The following FBXL14 variants were observed in gnomAD, a reference collection of about 807,000 sequenced individuals.
The protein encoded by FBXL14 is F-box and leucine rich repeat protein 14.
Under a neutral mutation model 24.5 loss-of-function variants are expected in FBXL14, and 11 were observed. The ratio of observed to expected loss-of-function variants is 0.45; its 90% confidence interval spans 0.28 to 0.74. The LOEUF (loss-of-function observed/expected upper bound fraction) is 0.74, where lower values mean the gene tolerates loss of function less well. FBXL14 is among the 30% of genes least tolerant of loss of function. The pLI is 0.12. For synonymous variants in FBXL14, 294 were observed against 240.4 expected (o/e 1.22, Z -2.06); for missense variants, 384 against 545.6 (o/e 0.70, Z 2.95).
intron 1 of FBXL14, among the ~76,000 whole-genome samples, chr12:1,575,606 C>T (rs377729038): frequency 2.6e-5 from 4 of 152,182 alleles, no homozygotes; most frequent in African/African-American, 7.2e-5. Context: ...TGGGATCCTC[C>T]GAATCGGCCC....
chr12:1,593,969 G>C lies in FBXL14; in HGVS notation c.98C>G (p.Thr33Ser), dbSNP rs2094496223. The C allele has an allele frequency of 1.9e-6, 3 of 1,589,166 alleles. No individual in the cohort carries two copies. The highest frequency in any genetic ancestry group is 3.3e-4 in the Middle Eastern group (2 of 6,032). ...GTGGTAGGCGGCGTCCCGCCAGGCG[G>C]TGCACACCTGCGCCGCGCGCCCCTT... ...RDKGRAAQVC[T>S]AWRDAAYHKS... is the part of the protein sequence containing the mutation. Residue 33 changes from threonine to serine, a missense_variant, in exon 1 of 2, where the codon ACC (threonine) becomes AGC (serine). Transcript: ENST00000339235. The surrounding 1 kb of genome is among the most constrained non-coding windows in gnomAD (Gnocchi z 7.4).
chr12:1,593,196 T>A lies in FBXL14; in HGVS notation c.871A>T (p.Lys291Ter), dbSNP rs2094494423. ...TAAGCCAGACTCTGGTCTCCCACCT[T>A]GTCACAGAACGAAACATCCAGCCCC... Reference protein sequence around the residue: ...LSGLDVSFCDKVGDQSLAYIA... With the variant: ...LSGLDVSFCD Residue 291 changes from lysine (K) to a stop codon, truncating the protein, a stop_gained, in exon 1 of 2, where the codon AAG (lysine) becomes TAG (stop). Coordinates refer to ENST00000339235, the MANE Select transcript of FBXL14 (RefSeq NM_152441.3). LOFTEE classifies it high-confidence loss of function. The surrounding 1 kb of genome is among the most constrained non-coding windows in gnomAD (Gnocchi z 7.4). The A allele has an allele frequency of 6.2e-7, 1 of 1,613,242 alleles. No homozygotes were observed. The highest frequency in any genetic ancestry group is 1.3e-5 in the African/African-American group (1 of 74,932).
chr12:1,581,087 G>A (rs932093310), intron 1 of FBXL14, among the ~76,000 whole-genome samples: 1 of 152,270 alleles, frequency 6.6e-6, no homozygotes, highest in South Asian at 2.1e-4. Context: ...TGGCCACGTC[G>A]CCTGGAATCC....
chr12:1,584,135 A>G (rs1041279231), intron 1 of FBXL14, among the ~76,000 whole-genome samples: 1 of 152,176 alleles, frequency 6.6e-6, no homozygotes, highest in Non-Finnish European at 1.5e-5. Flanking sequence ...ACTTGAGCCC[A>G]GGAGTTGGAG....
intron 1 of FBXL14, among the ~76,000 whole-genome samples, chr12:1,586,707 T>G (rs546887297): frequency 6.6e-6 from 1 of 152,330 alleles, no homozygotes; most frequent in Admixed American, 6.5e-5. Flanking sequence ...ATGTACCACA[T>G]CTGCCAGATT....
At chr12:1,586,462 C>T (rs1473804857) in intron 1 of FBXL14, among the ~76,000 whole-genome samples, 2 of 152,124 alleles carry the variant, frequency 1.3e-5, no homozygotes, top group African/African-American at 2.4e-5. Flanking sequence ...CCACCTCAGC[C>T]GAGTGAGTAG....
chr12:1,592,975 G>A lies in FBXL14; in HGVS notation c.1092C>T (p.Tyr364=). Residue 364 remains tyrosine (Y), a synonymous_variant, in exon 1 of 2, where the codon TAC becomes TAT. Transcript: ENST00000339235. ...CGCGCTTGGTGATTCGGGTGCAGCCGTACAGGTCTATGCCGGTGAGTTGGC... is the reference window on the plus strand; with the variant it reads ...CGCGCTTGGTGATTCGGGTGCAGCCATACAGGTCTATGCCGGTGAGTTGGC... The part of the protein sequence containing the change: ...HLSQLTGIDL[Y]GCTRITKRGL... 2 of 1,613,184 alleles carry A rather than the reference G, an allele frequency of 1.2e-6. No individual in the cohort carries two copies. Among genetic ancestry groups the A allele is most frequent in the Non-Finnish European group, 8.5e-7 (1 of 1,179,946 alleles).
chr12:1,577,452 T>C (rs1425281220), intron 1 of FBXL14, among the ~76,000 whole-genome samples: 4 of 152,102 alleles, frequency 2.6e-5, no homozygotes, highest in East Asian at 3.8e-4. Context: ...ACTTATGTAT[T>C]ATTTTAAAGA....
intron 1 of FBXL14, among the ~76,000 whole-genome samples, chr12:1,583,218 T>G (rs2094470152): frequency 6.6e-6 from 1 of 152,144 alleles, no homozygotes; most frequent in Non-Finnish European, 1.5e-5. Flanking sequence ...CTTCTGATTT[T>G]TCTTTTGTAA....
At chr12:1,585,390 T>TC (rs2094474587) in intron 1 of FBXL14, among the ~76,000 whole-genome samples, 1 of 143,924 alleles carries the variant, frequency 6.9e-6, no homozygotes, top group Non-Finnish European at 1.5e-5. Context: ...AGAGCGAGAC[T>TC]CCGTCTCAAA....
At chr12:1,589,454 A>AGAC (rs1488291022) in intron 1 of FBXL14, among the ~76,000 whole-genome samples, 6 of 130,466 alleles carry the variant, frequency 4.6e-5, no homozygotes, top group Admixed American at 1.4e-4. Context: ...AAAAAAAAAA[A>AGAC]AGACAGGAAG....
At position 1,569,780 on chromosome 12, in the gene FBXL14, A is replaced by C. The variant is rs1285430926; in HGVS notation, c.1195-2970T>G. Among the ~76,000 whole-genome samples the C allele has an allele frequency of 6.6e-6, 1 of 152,210 alleles. No homozygotes were observed. The highest frequency in any genetic ancestry group is 1.5e-5 in the Non-Finnish European group (1 of 68,042). ...CTCATTTTATGCTGTCCCACAGAAA[A>C]GACTATTGCCAAAGAGCAGAGCCAC... On this transcript the variant is annotated intron_variant, in intron 1 of 1. Coordinates refer to ENST00000339235, the MANE Select transcript of FBXL14 (RefSeq NM_152441.3). The surrounding 1 kb of genome is among the most constrained non-coding windows in gnomAD (Gnocchi z 4.2).
chr12:1,571,755 T>C (rs995419607), intron 1 of FBXL14, among the ~76,000 whole-genome samples: 6 of 152,208 alleles, frequency 3.9e-5, no homozygotes, highest in African/African-American at 1.4e-4. Flanking sequence ...CCTATCCCAT[T>C]TGAAGTCACT....
At chr12:1,575,351 C>T (rs563842647) in intron 1 of FBXL14, among the ~76,000 whole-genome samples, 2 of 152,330 alleles carry the variant, frequency 1.3e-5, no homozygotes. Flanking sequence ...TCTTATTTCT[C>T]TAATCTTATC....
At chr12:1,588,410 G>A (rs1043562117) in intron 1 of FBXL14, among the ~76,000 whole-genome samples, 2 of 152,132 alleles carry the variant, frequency 1.3e-5, no homozygotes, top group Non-Finnish European at 2.9e-5. Flanking sequence ...AAAAAGGAAC[G>A]TTTGCTTTTT....
At chr12:1,587,088 T>C (rs2094478165) in intron 1 of FBXL14, among the ~76,000 whole-genome samples, 1 of 151,126 alleles carries the variant, frequency 6.6e-6, no homozygotes, top group Non-Finnish European at 1.5e-5. Flanking sequence ...AGATACAAAA[T>C]TAGCCGGGCG....
intron 1 of FBXL14, among the ~76,000 whole-genome samples, chr12:1,570,635 G>C (rs1354922480): frequency 6.6e-6 from 1 of 152,122 alleles, no homozygotes. Context: ...GTCTGGTTTT[G>C]CAAGTGAAAA....
At chr12:1,576,067 C>T (rs532761477) in intron 1 of FBXL14, among the ~76,000 whole-genome samples, 2 of 152,198 alleles carry the variant, frequency 1.3e-5, no homozygotes, top group African/African-American at 2.4e-5. Flanking sequence ...CCTACGACAG[C>T]GGGAGGAAAC....
chr12:1,585,790 T>C (rs977198624), intron 1 of FBXL14, among the ~76,000 whole-genome samples: 2 of 152,266 alleles, frequency 1.3e-5, no homozygotes, highest in Admixed American at 6.5e-5. Flanking sequence ...CTAAAACATC[T>C]GTGAAGTCAA....
Sources: gnomAD v4.1 joint callset for allele counts (sites outside exome capture counted in the v4.1 genomes callset) on GRCh38, gnomAD v4.1.1 for gene constraint, Gnocchi (gnomAD v3.1) non-coding constraint, MANE v1.5 for transcripts, NCBI Gene and HGNC (gene_info 2026-07-23, HGNC 2026-07-21) for gene names.